Variants in PCDH15 observed in about 807,000 individuals in gnomAD.
The protein encoded by PCDH15 is protocadherin-15.
Under a neutral mutation model 178.5 loss-of-function variants are expected in PCDH15, and 129 were observed. The ratio of observed to expected loss-of-function variants is 0.72; its 90% CI spans 0.63 to 0.84. The LOEUF (loss-of-function observed/expected upper bound fraction) is 0.84, where lower values mean the gene tolerates loss of function less well. Ranked by LOEUF, PCDH15 falls within the 40% of genes least tolerant of loss-of-function variation. The pLI is 0.00. For synonymous variants in PCDH15, 800 were observed against 732.0 expected (o/e 1.09, Z -1.50); for missense variants, 2,230 against 2,099.9 (o/e 1.06, Z -1.21).
chr10:55,369,753 A>C (rs539297687), intron 2 of PCDH15, among the ~76,000 whole-genome samples: 1 of 152,012 alleles, frequency 6.6e-6, no homozygotes, highest in Non-Finnish European at 1.5e-5. Flanking sequence ...TTACTTATTC[A>C]ACAGTCATGC....
intron 13 of PCDH15, among the ~76,000 whole-genome samples, chr10:54,176,508 T>C (rs1375676419): frequency 6.6e-6 from 1 of 152,152 alleles, no homozygotes; most frequent in Non-Finnish European, 1.5e-5. Flanking sequence ...GAATATTCCA[T>C]GCTAAAAACA....
chr10:54,131,349 TTC>T lies in PCDH15; in HGVS notation c.1917+1524_1917+1525del, dbSNP rs1201395983. Among the ~76,000 whole-genome samples the T allele has an allele frequency of 4.6e-5, 7 of 152,280 alleles. No individual in the cohort carries two copies. In the South Asian group the frequency reaches 6.2e-4, roughly 14 times the overall value. On this transcript the variant is annotated intron_variant, in intron 15 of 37. Transcript: ENST00000644397. ...AAAATTTATTTTGTTTTCCTTTTCTTTCTCTTATTTTTTTCTTGCTTCAATAA... is the reference window on the plus strand; with the variant it reads ...AAAATTTATTTTGTTTTCCTTTTCTTTCTTATTTTTTTCTTGCTTCAATAA...
chr10:55,133,562 G>T (rs1376779819), intron 2 of PCDH15, among the ~76,000 whole-genome samples: 2 of 151,966 alleles, frequency 1.3e-5, no homozygotes, highest in Non-Finnish European at 2.9e-5. Context: ...TACATCTCTA[G>T]CCCTGACCTC....
chr10:54,607,295 G>A (rs552381751), intron 2 of PCDH15, among the ~76,000 whole-genome samples: 5 of 151,992 alleles, frequency 3.3e-5, no homozygotes, highest in Non-Finnish European at 7.4e-5. Context: ...CAATAAATGT[G>A]GTAAACAATA....
intron 2 of PCDH15, among the ~76,000 whole-genome samples, chr10:55,377,254 CATT>C (rs1837415925): frequency 6.6e-6 from 1 of 151,162 alleles, no homozygotes; most frequent in Non-Finnish European, 1.5e-5. Flanking sequence ...AAGAGGGAAA[CATT>C]AATAATTCTA....
At chr10:55,137,818 T>A (rs1225644145) in intron 2 of PCDH15, among the ~76,000 whole-genome samples, 1 of 151,338 alleles carries the variant, frequency 6.6e-6, no homozygotes, top group African/African-American at 2.4e-5. Flanking sequence ...ACTACAGGAG[T>A]TAGGAGAATA....
intron 12 of PCDH15, among the ~76,000 whole-genome samples, chr10:54,183,918 A>T (rs2048243852): frequency 6.6e-6 from 1 of 152,188 alleles, no homozygotes; most frequent in Non-Finnish European, 1.5e-5. Flanking sequence ...TTAATCCTTA[A>T]AAACTTAATT....
At chr10:55,419,391 T>C (rs1297669825) in intron 2 of PCDH15, among the ~76,000 whole-genome samples, 2 of 151,738 alleles carry the variant, frequency 1.3e-5, no homozygotes, top group African/African-American at 4.8e-5. Context: ...AGGTATCCCA[T>C]GAAACCATCT....
intron 2 of PCDH15, among the ~76,000 whole-genome samples, chr10:55,463,726 G>A (rs756520667): frequency 1.1e-4 from 17 of 151,644 alleles, no homozygotes; most frequent in African/African-American, 2.9e-4. Flanking sequence ...TTTCAACTGC[G>A]TCAAACTCAA....
At chr10:54,939,513 A>AAAAAAAAAAAAAAAAAAAT (rs1838005101) in intron 2 of PCDH15, among the ~76,000 whole-genome samples, 1 of 149,870 alleles carries the variant, frequency 6.7e-6, no homozygotes, top group Non-Finnish European at 1.5e-5. Context: ...AAAAAAAAAA[A>AAAAAAAAAAAAAAAAAAAT]AAAAAAAAAA....
intron 14 of PCDH15, among the ~76,000 whole-genome samples, chr10:54,149,479 T>C (rs572790037): frequency 1.3e-5 from 2 of 152,188 alleles, no homozygotes; most frequent in South Asian, 4.2e-4. Context: ...CTCAAAAGCA[T>C]ATAGGTAGCT....
At chr10:55,519,243 T>C (rs1172730387) in intron 2 of PCDH15, among the ~76,000 whole-genome samples, 1 of 150,644 alleles carries the variant, frequency 6.6e-6, no homozygotes, top group Non-Finnish European at 1.5e-5. Context: ...CTCCTCTTTC[T>C]TTAATTTTTA....
chr10:54,648,435 G>A (rs567588979), intron 2 of PCDH15, among the ~76,000 whole-genome samples: 23 of 152,184 alleles, frequency 1.5e-4, no homozygotes, highest in Admixed American at 9.8e-4. Flanking sequence ...AACAAAATCC[G>A]CAAAGATGAG....
intron 3 of PCDH15, chr10:54,486,312 T>G (rs1255614623): frequency 6.6e-6 from 1 of 152,050 alleles, no homozygotes; most frequent in Non-Finnish European, 1.5e-5. Flanking sequence ...CTCATTTTCA[T>G]CCTGGTAAGA....
intron 1 of PCDH15, among the ~76,000 whole-genome samples, chr10:54,715,754 A>C (rs1341370138): frequency 6.6e-6 from 1 of 151,998 alleles, no homozygotes; most frequent in Non-Finnish European, 1.5e-5. Flanking sequence ...TGGCACACAC[A>C]CGTCCACAGA....
At chr10:54,132,351 T>C (rs759246846) in intron 15 of PCDH15, among the ~76,000 whole-genome samples, 17 of 152,152 alleles carry the variant, frequency 1.1e-4, no homozygotes, top group Non-Finnish European at 2.2e-4. Context: ...AAATATCAGC[T>C]AAAACTACCC....
chr10:54,707,824 A>C (rs1439055761), intron 1 of PCDH15, among the ~76,000 whole-genome samples: 4 of 152,182 alleles, frequency 2.6e-5, no homozygotes, highest in Non-Finnish European at 5.9e-5. Flanking sequence ...AAATACATAG[A>C]AACCTAAAAG....
chr10:53,905,909 A>T (rs1436976126), intron 25 of PCDH15, among the ~76,000 whole-genome samples: 1 of 151,982 alleles, frequency 6.6e-6, no homozygotes, highest in Non-Finnish European at 1.5e-5. Flanking sequence ...ATGACTATAC[A>T]ATACAAAATT....
intron 2 of PCDH15, among the ~76,000 whole-genome samples, chr10:55,121,092 T>A (rs996932465): frequency 2.6e-5 from 4 of 152,102 alleles, no homozygotes; most frequent in African/African-American, 7.2e-5. Flanking sequence ...CCATGAGAGC[T>A]GCTGTGTAGG....
Sources: gnomAD v4.1 joint callset for allele counts (sites outside exome capture counted in the v4.1 genomes callset) on GRCh38, gnomAD v4.1.1 for gene constraint, MANE v1.5 for transcripts, NCBI Gene and HGNC (gene_info 2026-07-23, HGNC 2026-07-21) for gene names.